Variants in TAFA4 observed in about 807,000 individuals in gnomAD.
TAFA4 encodes the protein chemokine-like protein TAFA-4.
A neutral mutation model predicts 21.1 loss-of-function variants in TAFA4; 20 were observed. The observed-to-expected ratio is 0.95, with a 90% CI of 0.67 to 1.38. The LOEUF is 1.38. TAFA4 is among the 40% of genes most tolerant of loss of function. TAFA4 has a pLI of 0.00. For missense variants in TAFA4, 211 were observed against 180.9 expected (o/e 1.17, Z -0.95); for synonymous variants, 71 against 67.4 (o/e 1.05, Z -0.26).
intron 1 of TAFA4, chr3:68,913,679 T>A (rs530939013): frequency 6.6e-6 from 1 of 152,374 alleles, no homozygotes; most frequent in African/African-American, 2.4e-5. Context: ...TTGCCTTCTC[T>A]CCAGCATGCA....
At chr3:68,897,973 C>T (rs2089808813) in intron 1 of TAFA4, among the ~76,000 whole-genome samples, 1 of 152,182 alleles carries the variant, frequency 6.6e-6, no homozygotes, top group South Asian at 2.1e-4. Context: ...TCCTGGTAGA[C>T]AGCAAGGTTG....
chr3:68,903,657 C>T (rs2089866553), intron 1 of TAFA4, among the ~76,000 whole-genome samples: 1 of 152,066 alleles, frequency 6.6e-6, no homozygotes, highest in African/African-American at 2.4e-5. Flanking sequence ...GTTTTTTAAA[C>T]TTTCATTTTA....
At chr3:68,768,551 A>G (rs921237383) in intron 3 of TAFA4, among the ~76,000 whole-genome samples, 2 of 152,214 alleles carry the variant, frequency 1.3e-5, no homozygotes, top group Admixed American at 1.3e-4. Flanking sequence ...TCCTCAAAAA[A>G]TTAAAAATAG....
chr3:68,792,311 C>T (rs533519771), intron 3 of TAFA4, among the ~76,000 whole-genome samples: 1 of 152,112 alleles, frequency 6.6e-6, no homozygotes, highest in Non-Finnish European at 1.5e-5. Flanking sequence ...TATGATTATA[C>T]ATATAGACTC....
chr3:68,811,895 A>G (rs1187199760), intron 3 of TAFA4, among the ~76,000 whole-genome samples: 2 of 152,154 alleles, frequency 1.3e-5, no homozygotes, highest in Non-Finnish European at 2.9e-5. Context: ...AGTTGAAATG[A>G]AGGAAAAAAT....
At chr3:68,790,991 G>T (rs2106812796) in intron 3 of TAFA4, among the ~76,000 whole-genome samples, 1 of 152,260 alleles carries the variant, frequency 6.6e-6, no homozygotes, top group East Asian at 1.9e-4. Flanking sequence ...GTGACCAAAA[G>T]GAAGAAACAT....
At chr3:68,926,189 A>G (rs376969731) in intron 1 of TAFA4, among the ~76,000 whole-genome samples, 20 of 151,564 alleles carry the variant, frequency 1.3e-4, no homozygotes, top group African/African-American at 4.6e-4. Flanking sequence ...AGATCATGCC[A>G]CTGCACTCCA....
At chr3:68,841,396 T>C (rs1704663492) in intron 3 of TAFA4, among the ~76,000 whole-genome samples, 1 of 152,112 alleles carries the variant, frequency 6.6e-6, no homozygotes, top group South Asian at 2.1e-4. Flanking sequence ...ATTAAGTCCC[T>C]GTGGTTTCAC....
At chr3:68,916,336 T>G (rs2090004932) in intron 1 of TAFA4, 1 of 152,248 alleles carries the variant, frequency 6.6e-6, no homozygotes, top group African/African-American at 2.4e-5. Flanking sequence ...AGTTTTCTTC[T>G]TCTTGCCCCC....
intron 3 of TAFA4, among the ~76,000 whole-genome samples, chr3:68,783,110 A>T (rs990331503): frequency 2.6e-5 from 4 of 152,222 alleles, no homozygotes; most frequent in Non-Finnish European, 5.9e-5. Flanking sequence ...TCAGAAAACT[A>T]GAAATAGAAG....
chr3:68,923,475 T>G (rs982386251), intron 1 of TAFA4, among the ~76,000 whole-genome samples: 1 of 152,120 alleles, frequency 6.6e-6, no homozygotes, highest in African/African-American at 2.4e-5. Context: ...TTTCCTCATA[T>G]TGTCTCAACC....
intron 3 of TAFA4, among the ~76,000 whole-genome samples, chr3:68,790,272 T>G (rs532674027): frequency 6.9e-6 from 1 of 144,876 alleles, no homozygotes; most frequent in African/African-American, 2.6e-5. Context: ...GAGCAATCAC[T>G]AAAAAAGAAA....
chr3:68,900,087 A>C lies in TAFA4; in HGVS notation c.-122-14777T>G, dbSNP rs1191664281. 6.3e-3 allele frequency among the ~76,000 whole-genome samples: 942 copies of C among 150,230 alleles called. 13 individuals are homozygous for C. The highest frequency in any genetic ancestry group is 0.018 in the African/African-American group (743 of 41,118). On this transcript the variant is annotated intron_variant, in intron 1 of 5. Coordinates refer to ENST00000295569, the MANE Select transcript of TAFA4 (RefSeq NM_182522.5). ...AACCCTGTCTCTACACACACAAAAAAAAAAAAAAAACACAAAAATTAGCTG... is the reference window on the plus strand; with the variant it reads ...AACCCTGTCTCTACACACACAAAAACAAAAAAAAAACACAAAAATTAGCTG...
At chr3:68,890,140 T>C (rs2089716102) in intron 1 of TAFA4, among the ~76,000 whole-genome samples, 1 of 152,120 alleles carries the variant, frequency 6.6e-6, no homozygotes. Context: ...CAAATGACTT[T>C]AAGAAAACAT....
chr3:68,863,791 G>C (rs1399932169), intron 3 of TAFA4, among the ~76,000 whole-genome samples: 1 of 151,998 alleles, frequency 6.6e-6, no homozygotes, highest in Non-Finnish European at 1.5e-5. Context: ...TAATTAGTCT[G>C]GGAATACCAA....
intron 3 of TAFA4, among the ~76,000 whole-genome samples, chr3:68,861,520 A>G (rs1247789872): frequency 3.9e-5 from 6 of 152,164 alleles, no homozygotes; most frequent in African/African-American, 1.4e-4. Flanking sequence ...AGGGAGACAG[A>G]CACAAATTAT....
At chr3:68,897,784 G>GTC (rs1249822832) in intron 1 of TAFA4, among the ~76,000 whole-genome samples, 1 of 152,128 alleles carries the variant, frequency 6.6e-6, no homozygotes, top group Non-Finnish European at 1.5e-5. Flanking sequence ...TGTCCTAAGA[G>GTC]TCTCTTCATT....
chr3:68,847,321 G>A (rs1704828440), intron 3 of TAFA4, among the ~76,000 whole-genome samples: 2 of 152,186 alleles, frequency 1.3e-5, no homozygotes, highest in African/African-American at 4.8e-5. Flanking sequence ...ACACTGTTAG[G>A]GGAAAACCAC....
chr3:68,788,082 C>T (rs1265757578), intron 3 of TAFA4, among the ~76,000 whole-genome samples: 1 of 152,190 alleles, frequency 6.6e-6, no homozygotes, highest in African/African-American at 2.4e-5. Flanking sequence ...ATTATAGCCC[C>T]AGAAGAGTAC....
Sources: allele counts gnomAD v4.1 joint callset (sites outside exome capture counted in the v4.1 genomes callset), GRCh38; gene constraint gnomAD v4.1.1; transcripts MANE v1.5; gene names NCBI Gene and HGNC (gene_info 2026-07-23, HGNC 2026-07-21).